The following ADAM19 variants were observed in gnomAD, a reference collection of about 807,000 sequenced individuals.
ADAM19 encodes the protein ADAM metallopeptidase domain 19.
Under a neutral mutation model 114.7 loss-of-function variants are expected in ADAM19, and 65 were observed. The ratio of observed to expected loss-of-function variants is 0.57; its 90% confidence interval spans 0.46 to 0.70. The LOEUF (loss-of-function observed/expected upper bound fraction) is 0.70. Ranked by LOEUF, ADAM19 falls within the 30% of genes least tolerant of loss-of-function variation. The pLI is 0.00. For synonymous variants in ADAM19, 466 were observed against 460.5 expected (o/e 1.01, Z -0.15); for missense variants, 1,063 against 1,204.7 (o/e 0.88, Z 1.74).
intron 2 of ADAM19, 82 bp from the exon 3 acceptor site, chr5:157,564,525 C>T: frequency 5.2e-6 from 6 of 1,154,932 alleles, no homozygotes; most frequent in Non-Finnish European, 6.6e-6. Flanking sequence ...TAGCACAGCG[C>T]TCCAACATTG....
Position 157,496,883 on chromosome 5 carries a change from G to C in ADAM19, c.1594+11C>G. 1 of 1,557,602 alleles carries C rather than the reference G, an allele frequency of 6.4e-7. No individual in the cohort carries two copies. Among genetic ancestry groups the C allele is most frequent in the Non-Finnish European group, 8.7e-7 (1 of 1,154,570 alleles). ...GGCTGGGGAGAGCCGTGCTCCCCAG[G>C]AGAGCCTTACCGGGTCCCCACAGCT... On this transcript the variant is annotated intron_variant, in intron 14 of 22. Transcript: ENST00000257527.
At chr5:157,493,246 G>C (rs1755236278) in intron 15 of ADAM19, 69 bp from the exon 16 acceptor site, 1 of 1,542,754 alleles carries the variant, frequency 6.5e-7, no homozygotes, top group African/African-American at 1.4e-5. Context: ...GCACCAGAGA[G>C]CTTCAGTCTT....
At position 157,558,823 on chromosome 5, in the gene ADAM19, A is replaced by G. The variant is rs564770062; in HGVS notation, c.251+5550T>C. 2.0e-5 allele frequency among the ~76,000 whole-genome samples: 3 copies of G among 152,334 alleles called. No homozygotes were observed. In the South Asian group the frequency reaches 6.2e-4, roughly 32 times the overall value. Reference sequence around the variant, plus strand: ...CTAATCTGCCCCGTGTGTTGCTGAAAAATTCCTTTCCTGCCTGCTAATTCT... The same window carrying G: ...CTAATCTGCCCCGTGTGTTGCTGAAGAATTCCTTTCCTGCCTGCTAATTCT... On this transcript the variant is annotated intron_variant, in intron 3 of 22. Coordinates refer to ENST00000257527, the MANE Select transcript of ADAM19 (RefSeq NM_033274.5).
intron 5 of ADAM19, among the ~76,000 whole-genome samples, chr5:157,525,719 T>A (rs527617586): frequency 6.6e-6 from 1 of 152,186 alleles, no homozygotes; most frequent in Non-Finnish European, 1.5e-5. Flanking sequence ...CCAGGAAGTA[T>A]GTAGCTAGAT....
At chr5:157,507,168 C>A (rs759911599) in intron 9 of ADAM19, 28 bp from the exon 10 acceptor site, 2 of 1,608,456 alleles carry the variant, frequency 1.2e-6, no homozygotes, top group Non-Finnish European at 1.7e-6. Context: ...AGACGGTGAC[C>A]GGGGACGAGA....
intron 4 of ADAM19, among the ~76,000 whole-genome samples, chr5:157,533,481 G>A (rs990194463): frequency 6.6e-6 from 1 of 152,128 alleles, no homozygotes; most frequent in Non-Finnish European, 1.5e-5. Flanking sequence ...GGCCCCTCAT[G>A]AAGCACTCAA....
In ADAM19 at chr5:157,545,012, C is replaced by T. The variant is rs948366648; in HGVS notation, c.252-7021G>A. Reference sequence around the variant, plus strand: ...ATATGCTTAGAAAAAAGGGAATAAGCGGACCACTCCCTGAAACTAACAAAC... The same window carrying T: ...ATATGCTTAGAAAAAAGGGAATAAGTGGACCACTCCCTGAAACTAACAAAC... On this transcript the variant is annotated intron_variant, in intron 3 of 22. Coordinates refer to ENST00000257527, the MANE Select transcript of ADAM19 (RefSeq NM_033274.5). Among the ~76,000 whole-genome samples the T allele has an allele frequency of 3.9e-5, 6 of 152,266 alleles. No homozygotes were observed. The South Asian group carries it at 1.0e-3, about 26-fold the overall frequency.
intron 15 of ADAM19, 65 bp downstream of exon 15, chr5:157,494,622 A>G: frequency 7.2e-7 from 1 of 1,395,230 alleles, no homozygotes; most frequent in Non-Finnish European, 1.0e-6. Flanking sequence ...GTTGGGCAAC[A>G]GTGAGGACAG....
chr5:157,564,281 T>C (rs756651774), intron 3 of ADAM19, 92 bp downstream of exon 3: 6 of 1,223,504 alleles, frequency 4.9e-6, no homozygotes, highest in African/African-American at 4.5e-5. Context: ...GGTCACTCCA[T>C]TGACTGCTTC....
Position 157,477,486 on chromosome 5 carries a change from C to G in ADAM19, c.*3463G>C, listed in dbSNP as rs1031230577. On this transcript the variant is annotated 3_prime_UTR_variant, in exon 23 of 23. Coordinates refer to ENST00000257527, the MANE Select transcript of ADAM19 (RefSeq NM_033274.5). ...CCAAATAAAAAGAAAATTCACATTG[C>G]CCTGGATCCCAGACACATACAAACG... 1 of 1,061,390 alleles carries G rather than the reference C, an allele frequency of 9.4e-7. No individual in the cohort carries two copies. Among genetic ancestry groups the G allele is most frequent in the African/African-American group, 1.7e-5 (1 of 60,288 alleles). 65.7% of individuals were successfully genotyped at this position (1,061,390 alleles called of 1,614,324 possible). A position where few individuals can be genotyped will look rare whatever the true frequency, so the allele number is the denominator to read the frequency against.
At chr5:157,534,016 T>C (rs1271016155) in intron 4 of ADAM19, among the ~76,000 whole-genome samples, 1 of 152,106 alleles carries the variant, frequency 6.6e-6, no homozygotes, top group Non-Finnish European at 1.5e-5. Context: ...CTGTGAAGAA[T>C]CCCTGCACCT....
intron 5 of ADAM19, among the ~76,000 whole-genome samples, chr5:157,526,173 TACACACACACACAC>T (rs35119605): frequency 4.6e-5 from 5 of 109,214 alleles, no homozygotes; most frequent in Admixed American, 9.9e-5. Flanking sequence ...TATATATATA[TACACACACACACAC>T]ACACACACAC....
At chr5:157,496,792 G>A (rs1755379554) in intron 14 of ADAM19, 102 bp downstream of exon 14, 1 of 1,017,306 alleles carries the variant, frequency 9.8e-7, no homozygotes, top group Non-Finnish European at 1.4e-6. Context: ...AGTATCTAGA[G>A]GTGCCATTTG....
chr5:157,484,173 T>G (rs1044576452), intron 21 of ADAM19, among the ~76,000 whole-genome samples: 3 of 152,166 alleles, frequency 2.0e-5, no homozygotes, highest in Non-Finnish European at 4.4e-5. Context: ...ACCCTGACAT[T>G]CCCTGACCTT....
chr5:157,478,397 T>G lies in ADAM19; in HGVS notation c.*2552A>C, dbSNP rs1244990426. The G allele has an allele frequency of 5.1e-6, 1 of 194,774 alleles. No homozygotes were observed. Among genetic ancestry groups the G allele is most frequent in the African/African-American group, 2.4e-5 (1 of 42,086 alleles). The allele number at this position is 194,774 out of a possible 1,614,324, so 12.1% of individuals were successfully genotyped here. ...AATAAAAGAAAAGTCCTTTTCTGCC[T>G]GGGCTTTGAGACGCTTGCAGATCTT... is the stretch of plus-strand genomic sequence containing the variant. On this transcript the variant is annotated 3_prime_UTR_variant, in exon 23 of 23. Transcript: ENST00000257527.
Position 157,551,412 on chromosome 5 carries a change from C to CCA in ADAM19, c.251+12960_251+12961insTG, listed in dbSNP as rs375099114. Among the ~76,000 whole-genome samples the CCA allele has an allele frequency of 8.2e-4, 97 of 118,260 alleles. 1 individual carries two copies. Among genetic ancestry groups the CCA allele is most frequent in the African/African-American group, 2.9e-3 (89 of 30,706 alleles). The allele number at this position is 118,260 out of a possible 152,430, so 77.6% of individuals were successfully genotyped here. ...GAGCATGATTCTGTCCCCCCAACCC[C>CCA]AAAAAAAAAAAAAAAAAAAGACCAA... On this transcript the variant is annotated intron_variant, in intron 3 of 22. Coordinates refer to ENST00000257527, the MANE Select transcript of ADAM19 (RefSeq NM_033274.5).
chr5:157,507,134 C>T lies in ADAM19; in HGVS notation c.912G>A (p.Met304Ile), dbSNP rs1755769969. Residue 304 changes from methionine to isoleucine, a missense_variant, in exon 10 of 23, where the codon ATG (methionine) becomes ATA (isoleucine). Physicochemically the swap from Met to Ile is conservative, Grantham distance 10. Transcript: ENST00000257527. ...GGCCGATGGTGGTGCCGTGGAAGGA[C>T]ATGCCCCTGCAGGAGGCAAGGAGAG... Reference protein sequence around the residue: ...YHDNAQLITGMSFHGTTIGLA... With the variant: ...YHDNAQLITGISFHGTTIGLA... The T allele has an allele frequency of 1.9e-6, 3 of 1,613,816 alleles. No homozygotes were observed. Among genetic ancestry groups the T allele is most frequent in the Non-Finnish European group, 2.5e-6 (3 of 1,179,896 alleles).
Position 157,519,974 on chromosome 5 carries a change from G to A in ADAM19, c.465C>T (p.Ser155=). 2 of 1,614,162 alleles carry A rather than the reference G, an allele frequency of 1.2e-6. No individual in the cohort carries two copies. The highest frequency in any genetic ancestry group is 1.7e-6 in the Non-Finnish European group (2 of 1,180,020). Residue 155 remains serine (S), a synonymous_variant, in exon 6 of 23, where the codon AGC becomes AGT. Coordinates refer to ENST00000257527, the MANE Select transcript of ADAM19 (RefSeq NM_033274.5). ...LSYVIEPLPD[S]KGQHLIYRSE... ...ATCTGTAAATAAGGTGTTGGCCCTT[G>A]CTGTCAGGGAGGGGCTCGATGACGT... is the stretch of plus-strand genomic sequence containing the variant.
chr5:157,480,965 A>G lies in ADAM19; in HGVS notation c.2741T>C (p.Ile914Thr), dbSNP rs746671789. ...EYRSQRAGGM[I>T]SSKI ...TGGACAGGTCTAGATTTTCGAGCTAATCATCCCTCCAGCCCTCTGTGATCT... is the reference window on the plus strand; with the variant it reads ...TGGACAGGTCTAGATTTTCGAGCTAGTCATCCCTCCAGCCCTCTGTGATCT... The change falls in exon 23 of 23, where the codon ATT becomes ACT. Residue 914 changes from isoleucine to threonine, a missense_variant. By Grantham distance (89) the Ile-to-Thr change is moderately conservative. Transcript: ENST00000257527. 4.3e-6 allele frequency: 7 copies of G among 1,614,048 alleles called. No homozygotes were observed. The African/African-American group carries it at 9.3e-5, about 22-fold the overall frequency.
Sources: allele counts gnomAD v4.1 joint callset (sites outside exome capture counted in the v4.1 genomes callset), GRCh38; gene constraint gnomAD v4.1.1; transcripts MANE v1.5; gene names NCBI Gene and HGNC (gene_info 2026-07-23, HGNC 2026-07-21).